The following MEF2C variants were observed in gnomAD, a reference collection of about 807,000 sequenced individuals.
MEF2C encodes the protein myocyte enhancer factor 2C, also known as myocyte-specific enhancer factor 2C.
MEF2C carries 6 observed loss-of-function variants against 50.5 expected under a neutral mutation model. The ratio of observed to expected loss-of-function variants is 0.12; its 90% CI spans 0.07 to 0.23. The LOEUF (loss-of-function observed/expected upper bound fraction) is 0.23, where lower values mean the gene tolerates loss of function less well. Among genes scored for constraint, MEF2C ranks in the 10% least tolerant of loss-of-function variants. MEF2C has a pLI of 1.00. For synonymous variants in MEF2C, 183 were observed against 228.0 expected (o/e 0.80, Z 1.78); for missense variants, 276 against 605.0 (o/e 0.46, Z 5.70).
At chr5:88,787,636 T>C (rs17558256) in intron 3 of MEF2C, among the ~76,000 whole-genome samples, 5,990 of 152,330 alleles carry the variant, frequency 0.039, 182 homozygotes, top group South Asian at 0.056. Flanking sequence ...GCTTCAACAA[T>C]ATTCTTTAGA....
intron 2 of MEF2C, among the ~76,000 whole-genome samples, chr5:88,812,018 T>C (rs1207252527): frequency 1.3e-5 from 2 of 152,162 alleles, no homozygotes; most frequent in African/African-American, 4.8e-5. Context: ...GTAAGGGATA[T>C]AATACCAGTG....
chr5:88,804,312 G>A (rs1203816762), intron 3 of MEF2C, among the ~76,000 whole-genome samples: 3 of 152,226 alleles, frequency 2.0e-5, no homozygotes, highest in African/African-American at 7.2e-5. Flanking sequence ...ATACACAGCT[G>A]TGGACAATGA....
intron 3 of MEF2C, among the ~76,000 whole-genome samples, chr5:88,795,715 T>G (rs1795754882): frequency 6.6e-6 from 1 of 152,216 alleles, no homozygotes; most frequent in Admixed American, 6.5e-5. Flanking sequence ...CCCTGTCTTG[T>G]GCAGTTTTCA....
chr5:88,744,453 T>C (rs549326680), intron 6 of MEF2C, among the ~76,000 whole-genome samples: 1 of 152,272 alleles, frequency 6.6e-6, no homozygotes, highest in East Asian at 1.9e-4. Flanking sequence ...CTCAGGAGGC[T>C]GAGGCAGGAG....
intron 3 of MEF2C, among the ~76,000 whole-genome samples, chr5:88,800,980 G>C (rs560819002): frequency 3.9e-5 from 6 of 152,260 alleles, no homozygotes; most frequent in South Asian, 4.1e-4. Context: ...TGTTGGAGTA[G>C]TGCTAATTAT....
intron 1 of MEF2C, among the ~76,000 whole-genome samples, chr5:88,900,703 A>G (rs980284950): frequency 2.6e-5 from 4 of 152,114 alleles, no homozygotes; most frequent in Non-Finnish European, 5.9e-5. Context: ...CTTCAAAGGA[A>G]TATAATTCAC....
At chr5:88,759,755 G>A (rs1161651440) in intron 4 of MEF2C, among the ~76,000 whole-genome samples, 32 of 152,166 alleles carry the variant, frequency 2.1e-4, no homozygotes, top group Admixed American at 2.0e-3. Context: ...TTCAACAAAA[G>A]TTCTACTGCT....
chr5:88,806,444 T>C (rs1800468999), intron 2 of MEF2C, among the ~76,000 whole-genome samples: 1 of 152,166 alleles, frequency 6.6e-6, no homozygotes, highest in Admixed American at 6.5e-5. Context: ...GCAGCCCCTT[T>C]TGGAATCCCC....
chr5:88,802,594 G>A (rs1798837163), intron 3 of MEF2C, among the ~76,000 whole-genome samples: 1 of 152,164 alleles, frequency 6.6e-6, no homozygotes, highest in African/African-American at 2.4e-5. Context: ...CCACACATGT[G>A]TGCCACCATG....
In MEF2C at chr5:88,805,278, A is replaced by G. The variant is rs148555576; in HGVS notation, c.55-477T>C. On this transcript the variant is annotated intron_variant, in intron 2 of 10. Transcript: ENST00000504921. ...TTTAATTGAAAACACTTGAAGGGAT[A>G]TGACTGTGATCTCAGACGATGTTGT... 2.2e-3 allele frequency among the ~76,000 whole-genome samples: 334 copies of G among 152,336 alleles called. 2 individuals carry two copies. Among genetic ancestry groups the G allele is most frequent in the African/African-American group, 7.8e-3 (323 of 41,572 alleles).
rs1482629943 is a variant in MEF2C at position 88,752,739 on chromosome 5, A to G, written c.403-696T>C. The G allele has an allele frequency of 4.1e-6, 4 of 985,458 alleles. No homozygotes were observed. In the South Asian group the frequency reaches 1.9e-4, roughly 46 times the overall value. The allele number at this position is 985,458 out of a possible 1,614,324, so 61.0% of individuals were successfully genotyped here. ...GTGAAAGTTGGCAAATATTTAGTGAACTGAAGCTGTGTGGATGTCTAATTA... is the reference window on the plus strand; with the variant it reads ...GTGAAAGTTGGCAAATATTTAGTGAGCTGAAGCTGTGTGGATGTCTAATTA... On this transcript the variant is annotated intron_variant, in intron 4 of 10. Transcript: ENST00000504921.
At chr5:88,823,605 G>A (rs1049699117) in intron 2 of MEF2C, 130 bp downstream of exon 2, 2 of 773,324 alleles carry the variant, frequency 2.6e-6, no homozygotes, top group African/African-American at 3.6e-5. Flanking sequence ...CACTTTAACT[G>A]GTCACATTTA....
At chr5:88,775,558 GTTAA>G (rs1465975099) in intron 3 of MEF2C, among the ~76,000 whole-genome samples, 2 of 151,906 alleles carry the variant, frequency 1.3e-5, no homozygotes, top group Non-Finnish European at 2.9e-5. Context: ...TTATTATCAG[GTTAA>G]TTTTTTTCAA....
chr5:88,870,134 T>G (rs1829060756), intron 1 of MEF2C, among the ~76,000 whole-genome samples: 1 of 152,008 alleles, frequency 6.6e-6, no homozygotes, highest in African/African-American at 2.4e-5. Context: ...TAATTTTATC[T>G]AAAAATCTTT....
At chr5:88,793,719 C>T (rs1480539043) in intron 3 of MEF2C, among the ~76,000 whole-genome samples, 3 of 152,060 alleles carry the variant, frequency 2.0e-5, no homozygotes, top group African/African-American at 4.8e-5. Flanking sequence ...TAAGTATACA[C>T]GTGCCATGGT....
intron 1 of MEF2C, among the ~76,000 whole-genome samples, chr5:88,825,199 C>T (rs1415081190): frequency 6.6e-6 from 1 of 151,554 alleles, no homozygotes; most frequent in African/African-American, 2.4e-5. Context: ...GTTACACATT[C>T]GGTCTGACCA....
chr5:88,803,696 A>G (rs182098164), intron 3 of MEF2C, among the ~76,000 whole-genome samples: 19 of 152,330 alleles, frequency 1.2e-4, no homozygotes, highest in Non-Finnish European at 2.4e-4. Context: ...AGGGTACTAC[A>G]AAGTATTTAA....
intron 7 of MEF2C, among the ~76,000 whole-genome samples, chr5:88,731,196 G>A (rs912217527): frequency 6.6e-6 from 1 of 152,106 alleles, no homozygotes; most frequent in Non-Finnish European, 1.5e-5. Context: ...GTAAATGTAT[G>A]GAAAGATGAA....
chr5:88,845,245 C>T (rs1428417158), intron 1 of MEF2C, among the ~76,000 whole-genome samples: 1 of 152,170 alleles, frequency 6.6e-6, no homozygotes, highest in African/African-American at 2.4e-5. Context: ...CTGTTGTCAA[C>T]AGCTGCTTCA....
Sources: gnomAD v4.1 joint callset for allele counts (sites outside exome capture counted in the v4.1 genomes callset) on GRCh38, gnomAD v4.1.1 for gene constraint, MANE v1.5 for transcripts, NCBI Gene and HGNC (gene_info 2026-07-23, HGNC 2026-07-21) for gene names.